The following XKR9 variants were observed in gnomAD, a reference collection of about 807,000 sequenced individuals.
XKR9 encodes XK-related protein 9.
In XKR9, 32 loss-of-function variants were observed where a neutral mutation model predicts 32.0. That is an observed-to-expected ratio of 1.00 (90% CI 0.76 to 1.34). XKR9 has a LOEUF of 1.34. Among genes scored for constraint, XKR9 ranks in the 40% most tolerant of loss-of-function variants. The pLI, the probability that XKR9 is intolerant of heterozygous loss-of-function variation, is 0.00. For missense variants in XKR9, 546 were observed against 429.7 expected, an observed-to-expected ratio of 1.27 and a Z score of -2.39; for synonymous variants, 168 against 143.4, an observed-to-expected ratio of 1.17 and a Z score of -1.22.
chr8:70,756,206 A>C (rs1006293346), intron 2 of XKR9, among the ~76,000 whole-genome samples: 5 of 152,286 alleles, frequency 3.3e-5, no homozygotes, highest in Non-Finnish European at 1.5e-5. Flanking sequence ...CTGGCCTCTC[A>C]ATTCTGTTCG....
At chr8:70,877,030 T>C in the XKR9 span, among the ~76,000 whole-genome samples, 1 of 152,114 alleles carries the variant, frequency 6.6e-6, no homozygotes, top group Non-Finnish European at 1.5e-5. Context: ...GGGTAATTTA[T>C]AAAGGAAAGA....
chr8:70,722,664 T>C (rs545033841), intron 4 of XKR9, among the ~76,000 whole-genome samples: 2 of 152,318 alleles, frequency 1.3e-5, no homozygotes, highest in African/African-American at 4.8e-5. Context: ...CAGAGAGATC[T>C]GTTGTTAGTC....
chr8:70,810,468 A>G, the XKR9 span, among the ~76,000 whole-genome samples: 1 of 152,238 alleles, frequency 6.6e-6, no homozygotes, highest in African/African-American at 2.4e-5. Context: ...AATGGGCGAA[A>G]TGCTCCAATT....
At chr8:70,946,784 T>C in the XKR9 span, among the ~76,000 whole-genome samples, 1 of 152,196 alleles carries the variant, frequency 6.6e-6, no homozygotes, top group East Asian at 1.9e-4. Flanking sequence ...AGAAACTCTT[T>C]TGATTTATAA....
chr8:70,738,267 A>G (rs564419884), downstream of XKR9, among the ~76,000 whole-genome samples: 48 of 143,324 alleles, frequency 3.3e-4, 4 homozygotes, highest in African/African-American at 1.0e-3. Context: ...AGAGGTGTTT[A>G]TAGTATTCTC....
chr8:70,964,982 A>G, the XKR9 span, among the ~76,000 whole-genome samples: 1 of 152,030 alleles, frequency 6.6e-6, no homozygotes, highest in Non-Finnish European at 1.5e-5. Context: ...TTTCAATACT[A>G]TGTTGAGTAG....
chr8:70,957,902 C>G, the XKR9 span, among the ~76,000 whole-genome samples: 4 of 149,838 alleles, frequency 2.7e-5, no homozygotes, highest in Non-Finnish European at 5.9e-5. Context: ...ATTCTCCTGC[C>G]TCAGCTTACT....
At chr8:70,904,668 G>T in the XKR9 span, among the ~76,000 whole-genome samples, 1 of 152,166 alleles carries the variant, frequency 6.6e-6, no homozygotes, top group Non-Finnish European at 1.5e-5. Flanking sequence ...TCATTATGAT[G>T]TTAGCTGGTT....
At chr8:70,977,967 T>C in the XKR9 span, among the ~76,000 whole-genome samples, 1 of 152,238 alleles carries the variant, frequency 6.6e-6, no homozygotes, top group Admixed American at 6.5e-5. Context: ...TCTTGTTGAA[T>C]TGATCCCTTT....
chr8:70,937,385 C>A, the XKR9 span, among the ~76,000 whole-genome samples: 3 of 152,142 alleles, frequency 2.0e-5, no homozygotes, highest in African/African-American at 7.2e-5. Context: ...TGGGCCCACC[C>A]AGACCAACTA....
At chr8:70,676,636 T>C (rs1424595714) in intron 2 of XKR9, among the ~76,000 whole-genome samples, 2 of 152,182 alleles carry the variant, frequency 1.3e-5, no homozygotes, top group Non-Finnish European at 2.9e-5. Flanking sequence ...ATTAGATTAA[T>C]CTATTGCATC....
At chr8:70,732,135 C>T (rs1027778193) in intron 4 of XKR9, among the ~76,000 whole-genome samples, 3 of 152,090 alleles carry the variant, frequency 2.0e-5, no homozygotes, top group Non-Finnish European at 2.9e-5. Flanking sequence ...GAGATAGACA[C>T]CCCATGGTGG....
chr8:70,697,797 G>A (rs1586826479), intron 3 of XKR9, among the ~76,000 whole-genome samples: 1 of 151,768 alleles, frequency 6.6e-6, no homozygotes, highest in Non-Finnish European at 1.5e-5. Context: ...GAATTCGGCT[G>A]TGAATCCATC....
At chr8:71,014,970 G>T in the XKR9 span, among the ~76,000 whole-genome samples, 19 of 152,274 alleles carry the variant, frequency 1.2e-4, no homozygotes, top group African/African-American at 3.6e-4. Flanking sequence ...TGACATAGAA[G>T]CTGATCATTT....
chr8:70,839,309 AG>A, the XKR9 span, among the ~76,000 whole-genome samples: 2 of 152,184 alleles, frequency 1.3e-5, no homozygotes, highest in African/African-American at 4.8e-5. Flanking sequence ...TCACTAAAAA[AG>A]AGCACTTTAA....
chr8:70,999,477 C>T, the XKR9 span, among the ~76,000 whole-genome samples: 3 of 152,096 alleles, frequency 2.0e-5, no homozygotes, highest in African/African-American at 7.2e-5. Flanking sequence ...AATCATGAGC[C>T]TAGAGAAAAG....
chr8:70,855,799 C>T, the XKR9 span, among the ~76,000 whole-genome samples: 1 of 152,224 alleles, frequency 6.6e-6, no homozygotes, highest in African/African-American at 2.4e-5. Context: ...CTCTACAAGC[C>T]AGAAGAGAGT....
intron 3 of XKR9, among the ~76,000 whole-genome samples, chr8:70,706,223 C>A (rs370965032): frequency 6.6e-6 from 1 of 152,010 alleles, no homozygotes; most frequent in Non-Finnish European, 1.5e-5. Flanking sequence ...ATAAATGTTT[C>A]AATTTTTTTT....
At chr8:70,807,348 G>A in the XKR9 span, among the ~76,000 whole-genome samples, 4 of 152,052 alleles carry the variant, frequency 2.6e-5, no homozygotes, top group East Asian at 1.9e-4. Context: ...TGAAGAAACT[G>A]CACCAACAAG....
Sources: gnomAD v4.1 joint callset for allele counts (sites outside exome capture counted in the v4.1 genomes callset) on GRCh38, gnomAD v4.1.1 for gene constraint, MANE v1.5 for transcripts, NCBI Gene and HGNC (gene_info 2026-07-23, HGNC 2026-07-21) for gene names.